The following LYPLAL1 variants were observed in gnomAD, a reference collection of about 807,000 sequenced individuals.
The protein encoded by LYPLAL1 is lysophospholipase like 1, also known as lysophospholipase-like protein 1.
LYPLAL1 carries 23 observed loss-of-function variants against 19.7 expected under a neutral mutation model. That is an observed-to-expected ratio of 1.17 (90% CI 0.84 to 1.65). The LOEUF (loss-of-function observed/expected upper bound fraction) is 1.65. LYPLAL1 is among the 40% of genes most tolerant of loss of function. The pLI, the probability that LYPLAL1 is intolerant of heterozygous loss-of-function variation, is 0.00. For missense variants in LYPLAL1, 355 were observed against 279.4 expected (o/e 1.27, Z -1.93); for synonymous variants, 119 against 96.3 (o/e 1.24, Z -1.38).
intron 1 of LYPLAL1, among the ~76,000 whole-genome samples, chr1:219,176,806 C>G (rs1039562987): frequency 6.6e-6 from 1 of 152,148 alleles, no homozygotes; most frequent in South Asian, 2.1e-4. Context: ...ACAAGTTCAT[C>G]TAACTGCCTG....
the LYPLAL1 span, among the ~76,000 whole-genome samples, chr1:219,220,114 A>G: frequency 6.6e-6 from 1 of 152,040 alleles, no homozygotes; most frequent in Admixed American, 6.5e-5. Context: ...CTTTTTTCCA[A>G]TCAGCCCTAA....
At chr1:219,371,665 G>T in the LYPLAL1 span, among the ~76,000 whole-genome samples, 1 of 152,138 alleles carries the variant, frequency 6.6e-6, no homozygotes, top group Admixed American at 6.5e-5. Flanking sequence ...GCCAATCAAA[G>T]GTGGCCAACT....
intron 2 of LYPLAL1, among the ~76,000 whole-genome samples, chr1:219,187,620 T>C (rs1453282369): frequency 1.3e-5 from 2 of 151,754 alleles, no homozygotes; most frequent in African/African-American, 4.8e-5. Context: ...AGTAATAAGA[T>C]TTGCATAGTG....
intron 2 of LYPLAL1, among the ~76,000 whole-genome samples, chr1:219,184,021 G>C (rs930990858): frequency 1.7e-4 from 26 of 151,866 alleles, no homozygotes; most frequent in Admixed American, 1.7e-3. Flanking sequence ...ACCAAGTGGT[G>C]TAAGTTTTGC....
the LYPLAL1 span, among the ~76,000 whole-genome samples, chr1:219,304,833 T>C: frequency 3.9e-5 from 6 of 152,186 alleles, no homozygotes; most frequent in South Asian, 2.1e-4. Flanking sequence ...CACAAGGTCA[T>C]AGCACAATAA....
chr1:219,228,258 TATC>T, the LYPLAL1 span, among the ~76,000 whole-genome samples: 244 of 152,310 alleles, frequency 1.6e-3, 2 homozygotes, highest in Middle Eastern at 0.017. Flanking sequence ...GAAGTGGAAT[TATC>T]ATGCTTTGCT....
At chr1:219,338,509 T>G in the LYPLAL1 span, among the ~76,000 whole-genome samples, 1 of 151,946 alleles carries the variant, frequency 6.6e-6, no homozygotes, top group Non-Finnish European at 1.5e-5. Context: ...ATATCTAAAC[T>G]TGCTGAGCCT....
rs555297565 is a variant in LYPLAL1, at chr1:219,184,837, C to T, written c.191+5591C>T. Among the ~76,000 whole-genome samples the T allele has an allele frequency of 3.1e-4, 47 of 151,870 alleles. No homozygotes were observed. In the South Asian group the frequency reaches 9.5e-3, roughly 31 times the overall value. ...TGTATCTAAATTTGTTTTGCTAATACTTTGGTAAAGAATTTTATGTCTGTG... is the reference window on the plus strand; with the variant it reads ...TGTATCTAAATTTGTTTTGCTAATATTTTGGTAAAGAATTTTATGTCTGTG... On this transcript the variant is annotated intron_variant, in intron 2 of 4. Transcript: ENST00000366928.
chr1:219,269,393 T>A, the LYPLAL1 span, among the ~76,000 whole-genome samples: 1 of 152,132 alleles, frequency 6.6e-6, no homozygotes, highest in East Asian at 1.9e-4. Context: ...CTAATTCTTT[T>A]AAAATGATTT....
chr1:219,246,103 T>C, the LYPLAL1 span, among the ~76,000 whole-genome samples: 1 of 152,180 alleles, frequency 6.6e-6, no homozygotes, highest in Admixed American at 6.5e-5. Flanking sequence ...GCAAAACTTC[T>C]GTTCACATAG....
At chr1:219,267,905 C>G in the LYPLAL1 span, among the ~76,000 whole-genome samples, 2 of 152,196 alleles carry the variant, frequency 1.3e-5, no homozygotes, top group South Asian at 4.1e-4. Context: ...TTGGTTGAGC[C>G]CGAAATCTAT....
the LYPLAL1 span, among the ~76,000 whole-genome samples, chr1:219,419,226 G>A: frequency 6.6e-6 from 1 of 152,150 alleles, no homozygotes; most frequent in East Asian, 1.9e-4. Context: ...GTTTTGTTAA[G>A]AAACTGCCAA....
At chr1:219,221,483 G>A in the LYPLAL1 span, among the ~76,000 whole-genome samples, 1 of 152,184 alleles carries the variant, frequency 6.6e-6, no homozygotes, top group Non-Finnish European at 1.5e-5. Flanking sequence ...CATGGAGTCT[G>A]AGTTGATCTT....
At chr1:219,205,376 AAAC>A in intron 3 of LYPLAL1, among the ~76,000 whole-genome samples, 2 of 151,584 alleles carry the variant, frequency 1.3e-5, no homozygotes, top group South Asian at 2.1e-4. Flanking sequence ...AAAAAAAAAA[AAAC>A]AAAAAAAACA....
At chr1:219,239,576 C>T in the LYPLAL1 span, among the ~76,000 whole-genome samples, 1 of 152,134 alleles carries the variant, frequency 6.6e-6, no homozygotes, top group African/African-American at 2.4e-5. Context: ...TGTGTGTTCT[C>T]TTGTGTCAGC....
At position 219,199,507 on chromosome 1, in the gene LYPLAL1, A is replaced by G. The variant is rs1476941328; in HGVS notation, c.361+6256A>G. 4.6e-5 allele frequency among the ~76,000 whole-genome samples: 7 copies of G among 151,702 alleles called. No homozygotes were observed. The East Asian group carries it at 1.4e-3, about 29-fold the overall frequency. ...GCCCAAGCTGGAGTGCAGTGGCAAG[A>G]TCTCGGCTCACTGCAACCTCCACCT... On this transcript the variant is annotated intron_variant, in intron 3 of 4. Transcript: ENST00000366928.
the LYPLAL1 span, among the ~76,000 whole-genome samples, chr1:219,248,828 CT>C: frequency 9.2e-5 from 14 of 151,986 alleles, no homozygotes; most frequent in Non-Finnish European, 1.8e-4. Context: ...CAGTATAGAA[CT>C]TTTAGACACC....
chr1:219,210,721 A>G (rs1262456422), intron 4 of LYPLAL1, 74 bp downstream of exon 4: 15 of 1,381,162 alleles, frequency 1.1e-5, no homozygotes, highest in African/African-American at 4.4e-5. Flanking sequence ...AAAATCGGTA[A>G]TAAAGCTGTA....
At chr1:219,423,616 G>A in the LYPLAL1 span, among the ~76,000 whole-genome samples, 17 of 152,134 alleles carry the variant, frequency 1.1e-4, no homozygotes, top group African/African-American at 3.9e-4. Context: ...TTGTTTACTA[G>A]GTATACATTA....
Sources: allele counts gnomAD v4.1 joint callset (sites outside exome capture counted in the v4.1 genomes callset), GRCh38; gene constraint gnomAD v4.1.1; transcripts MANE v1.5; gene names NCBI Gene and HGNC (gene_info 2026-07-23, HGNC 2026-07-21).